Variants in CMC1 observed in about 807,000 individuals in gnomAD.
CMC1 encodes COX assembly mitochondrial protein homolog.
Under a neutral mutation model 14.1 loss-of-function variants are expected in CMC1, and 14 were observed. The observed-to-expected ratio is 0.99, with a 90% CI of 0.66 to 1.55. The LOEUF (loss-of-function observed/expected upper bound fraction) is 1.55, where lower values mean the gene tolerates loss of function less well. CMC1 is among the 40% of genes most tolerant of loss of function. The pLI is 0.00. For missense variants in CMC1, 127 were observed against 123.8 expected, an observed-to-expected ratio of 1.03 and a Z score of -0.12; for synonymous variants, 50 against 38.4, an observed-to-expected ratio of 1.30 and a Z score of -1.12.
intron 2 of CMC1, among the ~76,000 whole-genome samples, chr3:28,295,717 C>T (rs1201771012): frequency 6.6e-6 from 1 of 152,034 alleles, no homozygotes; most frequent in Admixed American, 6.6e-5. Context: ...AAATATTTAA[C>T]AAAAGAATGA....
chr3:28,309,941 CCACACACACACACACACACA>C (rs57007112), intron 2 of CMC1, among the ~76,000 whole-genome samples: 106 of 132,574 alleles, frequency 8.0e-4, no homozygotes, highest in African/African-American at 2.6e-3. Flanking sequence ...CTGACGTCCA[CCACACACACACACACACACA>C]CACACACACA....
intron 2 of CMC1, among the ~76,000 whole-genome samples, chr3:28,283,391 T>C (rs377569708): frequency 1.3e-5 from 2 of 151,720 alleles, no homozygotes; most frequent in South Asian, 2.1e-4. Flanking sequence ...TCATGGCGCA[T>C]GCCTGTAATC....
intron 2 of CMC1, among the ~76,000 whole-genome samples, chr3:28,308,992 AAAT>A (rs781764246): frequency 0.024 from 65 of 2,764 alleles, no homozygotes; most frequent in Admixed American, 0.14. Flanking sequence ...AAAAAAAAAT[AAAT>A]AAATAAATAA....
At position 28,281,497 on chromosome 3, in the gene CMC1, G is replaced by A. The variant is rs78160118; in HGVS notation, c.109+18117G>A. Among the ~76,000 whole-genome samples, 484 of 152,252 alleles carry A rather than the reference G, an allele frequency of 3.2e-3. 2 individuals carry two copies. Among genetic ancestry groups the A allele is most frequent in the African/African-American group, 0.011 (466 of 41,544 alleles). ...TATTGCTCTGAATGCACAGAATTAAGTTTAATTTACAGAATTAAGTTTAAT... is the reference window on the plus strand; with the variant it reads ...TATTGCTCTGAATGCACAGAATTAAATTTAATTTACAGAATTAAGTTTAAT... On this transcript the variant is annotated intron_variant, in intron 2 of 3. Coordinates refer to ENST00000466830, the MANE Select transcript of CMC1 (RefSeq NM_182523.2).
chr3:28,305,045 A>G (rs971574195), intron 2 of CMC1, among the ~76,000 whole-genome samples: 4 of 152,152 alleles, frequency 2.6e-5, no homozygotes, highest in Non-Finnish European at 4.4e-5. Context: ...AACAGTGATC[A>G]TAGTAACCAA....
At chr3:28,279,413 G>T (rs2125513223) in intron 2 of CMC1, among the ~76,000 whole-genome samples, 1 of 152,252 alleles carries the variant, frequency 6.6e-6, no homozygotes, top group South Asian at 2.1e-4. Flanking sequence ...CACAACATTT[G>T]CAGTAGAATG....
intron 2 of CMC1, among the ~76,000 whole-genome samples, chr3:28,307,371 T>TA (rs1188860748): frequency 4.6e-5 from 7 of 151,840 alleles, no homozygotes; most frequent in South Asian, 4.1e-4. Context: ...GAAAAATAAA[T>TA]AAAAAAAATT....
intron 1 of CMC1, among the ~76,000 whole-genome samples, chr3:28,256,191 A>ATG (rs1401492806): frequency 4.1e-4 from 61 of 148,438 alleles, no homozygotes; most frequent in East Asian, 1.0e-3. Flanking sequence ...ATATGCATAT[A>ATG]TGTGTGTGTG....
In CMC1 at chr3:28,324,215, G is replaced by T. The variant is rs1180368993; in HGVS notation, c.*4586G>T. 6.2e-7 allele frequency: 1 copy of T among 1,610,482 alleles called. No homozygotes were observed. Among genetic ancestry groups the T allele is most frequent in the Non-Finnish European group, 8.5e-7 (1 of 1,177,580 alleles). On this transcript the variant is annotated 3_prime_UTR_variant, in exon 4 of 4. Coordinates refer to ENST00000466830, the MANE Select transcript of CMC1 (RefSeq NM_182523.2). ...AGAGAATTTCTGCCATAAGAACTGT[G>T]TTCCTGAAAGCATGTACCATCATTA...
chr3:28,248,266 C>T (rs1698929833), intron 1 of CMC1, among the ~76,000 whole-genome samples: 1 of 152,114 alleles, frequency 6.6e-6, no homozygotes, highest in Non-Finnish European at 1.5e-5. Context: ...TCTTTAAATT[C>T]ATTAGAGACC....
chr3:28,268,392 T>C (rs1485300601), intron 2 of CMC1, among the ~76,000 whole-genome samples: 2 of 152,194 alleles, frequency 1.3e-5, no homozygotes, highest in African/African-American at 4.8e-5. Context: ...CAGCACTGTA[T>C]TGTGACAACA....
chr3:28,282,339 A>G (rs1443847453), intron 2 of CMC1, among the ~76,000 whole-genome samples: 1 of 152,214 alleles, frequency 6.6e-6, no homozygotes, highest in East Asian at 1.9e-4. Context: ...CGTGGCATTT[A>G]TTCAGAGTGA....
rs533423152 is a variant in CMC1, at chr3:28,303,647, CAT to C, written c.110-12683_110-12682del. Reference sequence around the variant, plus strand: ...AGTAATGGCAGAGATTATTTAGCAACATATTTTAAAATATTAGAGTGAGTTAA... The same window carrying C: ...AGTAATGGCAGAGATTATTTAGCAACATTTTAAAATATTAGAGTGAGTTAA... On this transcript the variant is annotated intron_variant, in intron 2 of 3. Coordinates refer to ENST00000466830, the MANE Select transcript of CMC1 (RefSeq NM_182523.2). Among the ~76,000 whole-genome samples, 11 of 152,092 alleles carry C rather than the reference CAT, an allele frequency of 7.2e-5. No individual in the cohort carries two copies. In the East Asian group the frequency reaches 1.4e-3, roughly 19 times the overall value.
rs1301544705 is a variant in CMC1, at chr3:28,258,258, A to G, written c.20-5033A>G. Among the ~76,000 whole-genome samples, 3 of 151,182 alleles carry G rather than the reference A, an allele frequency of 2.0e-5. No individual in the cohort carries two copies. In the South Asian group the frequency reaches 6.2e-4, roughly 31 times the overall value. On this transcript the variant is annotated intron_variant, in intron 1 of 3. Transcript: ENST00000466830. ...TCCTGGTCTGTGGCATGCCTTTTTA[A>G]AATTTTCTTAATTGTGTCTTTTGAT...
chr3:28,267,416 G>T (rs79163832), intron 2 of CMC1, among the ~76,000 whole-genome samples: 112 of 152,250 alleles, frequency 7.4e-4, no homozygotes, highest in African/African-American at 2.6e-3. Context: ...CACAGGTAAA[G>T]ACAGAAAAGT....
intron 2 of CMC1, among the ~76,000 whole-genome samples, chr3:28,286,372 G>T (rs752787756): frequency 6.6e-6 from 1 of 152,092 alleles, no homozygotes; most frequent in South Asian, 2.1e-4. Context: ...TTTATATAGG[G>T]TTGTTATTGA....
At chr3:28,285,974 C>T (rs763315861) in intron 2 of CMC1, among the ~76,000 whole-genome samples, 9 of 152,076 alleles carry the variant, frequency 5.9e-5, no homozygotes, top group Admixed American at 2.0e-4. Context: ...ACTGTGTTAG[C>T]CAGAATGGCC....
chr3:28,314,759 A>G (rs964461987), intron 2 of CMC1, among the ~76,000 whole-genome samples: 1 of 152,050 alleles, frequency 6.6e-6, no homozygotes, highest in Non-Finnish European at 1.5e-5. Context: ...TGTCCCAGCA[A>G]GGCCCCCCTA....
intron 2 of CMC1, among the ~76,000 whole-genome samples, chr3:28,269,434 T>G (rs1700166905): frequency 6.8e-6 from 1 of 147,972 alleles, no homozygotes; most frequent in African/African-American, 2.5e-5. Flanking sequence ...TATATTTTGG[T>G]TTTAGAAATA....
Sources: gnomAD v4.1 joint callset for allele counts (sites outside exome capture counted in the v4.1 genomes callset) on GRCh38, gnomAD v4.1.1 for gene constraint, MANE v1.5 for transcripts, NCBI Gene and HGNC (gene_info 2026-07-23, HGNC 2026-07-21) for gene names.